STARD13: variants seen among roughly 807,000 people sequenced by gnomAD.
The protein encoded by STARD13 is stAR-related lipid transfer protein 13.
A neutral mutation model predicts 106.4 loss-of-function variants in STARD13; 62 were observed. That is an observed-to-expected ratio of 0.58 (90% confidence interval 0.48 to 0.72). The LOEUF is 0.72. Ranked by LOEUF, STARD13 falls within the 30% of genes least tolerant of loss-of-function variation. STARD13 has a pLI of 0.00. For synonymous variants in STARD13, 565 were observed against 553.0 expected (o/e 1.02, Z -0.31); for missense variants, 1,387 against 1,424.0 (o/e 0.97, Z 0.42).
At chr13:33,121,576 A>AG (rs199674694) in intron 7 of STARD13, among the ~76,000 whole-genome samples, 45,237 of 150,442 alleles carry the variant, frequency 0.3, 8,066 homozygotes, top group Non-Finnish European at 0.41. Flanking sequence ...TCAAAAAAAA[A>AG]AAAAAAAAGT....
chr13:33,488,460 T>C, the STARD13 span, among the ~76,000 whole-genome samples: 1 of 152,228 alleles, frequency 6.6e-6, no homozygotes. Flanking sequence ...ATTACTTCTG[T>C]CTACAACATC....
chr13:33,404,490 T>C, the STARD13 span, among the ~76,000 whole-genome samples: 35 of 152,338 alleles, frequency 2.3e-4, 1 homozygote, highest in South Asian at 7.2e-3. Flanking sequence ...CTGTTTAGAA[T>C]GCATGGCTGG....
At chr13:33,665,021 C>T in the STARD13 span, among the ~76,000 whole-genome samples, 18 of 152,212 alleles carry the variant, frequency 1.2e-4, no homozygotes, top group Non-Finnish European at 2.2e-4. Context: ...GTGTTGCAAA[C>T]GTCACAATGA....
intron 1 of STARD13, among the ~76,000 whole-genome samples, chr13:33,296,338 A>G (rs545024947): frequency 2.0e-5 from 3 of 152,274 alleles, no homozygotes; most frequent in African/African-American, 7.2e-5. Flanking sequence ...TCTATCTCAA[A>G]TCATCTTGCA....
intron 8 of STARD13, among the ~76,000 whole-genome samples, chr13:33,115,851 G>A (rs892011125): frequency 6.6e-6 from 1 of 152,192 alleles, no homozygotes; most frequent in African/African-American, 2.4e-5. Context: ...TATAAGTTGT[G>A]ACAATTATAT....
the STARD13 span, among the ~76,000 whole-genome samples, chr13:33,413,013 G>C: frequency 6.6e-6 from 1 of 152,062 alleles, no homozygotes; most frequent in Non-Finnish European, 1.5e-5. Flanking sequence ...ACCTCATCAT[G>C]GGCTGTAAAA....
chr13:33,176,054 C>T (rs1477384064), intron 1 of STARD13, among the ~76,000 whole-genome samples: 2 of 152,140 alleles, frequency 1.3e-5, no homozygotes, highest in African/African-American at 4.8e-5. Context: ...TCCTTTGCTC[C>T]TTTTGGGGTT....
At chr13:33,193,406 G>T (rs376842305) in intron 1 of STARD13, among the ~76,000 whole-genome samples, 190 of 152,294 alleles carry the variant, frequency 1.2e-3, no homozygotes, top group African/African-American at 4.1e-3. Context: ...TAAGAGGTGA[G>T]AAACAGTAAC....
At chr13:33,538,579 A>C in the STARD13 span, among the ~76,000 whole-genome samples, 35 of 152,290 alleles carry the variant, frequency 2.3e-4, 1 homozygote, top group African/African-American at 8.4e-4. Context: ...TAATAGAAGC[A>C]AAAGTAAATC....
rs148158422 is a variant in STARD13 at position 33,285,507 on chromosome 13, A to G, written c.132T>C (p.Ile44=). 1 of 1,613,906 alleles carries G rather than the reference A, an allele frequency of 6.2e-7. No homozygotes were observed. Among genetic ancestry groups the G allele is most frequent in the Non-Finnish European group, 8.5e-7 (1 of 1,179,900 alleles). ...TAGTCACTAGCTGATGGCGTGCTAG[A>G]ATCCGGCTCATCCTGTAAGGAGAGC... is the stretch of plus-strand genomic sequence containing the variant. The part of the protein sequence containing the change: ...TRRSPYRMSR[I]LARHQLVTKI... Residue 44 remains isoleucine, a synonymous_variant, in exon 1 of 14, where the codon ATT becomes ATC. Transcript: ENST00000336934.
chr13:33,298,522 C>T (rs1892590363), intron 1 of STARD13, among the ~76,000 whole-genome samples: 1 of 151,924 alleles, frequency 6.6e-6, no homozygotes, highest in South Asian at 2.1e-4. Flanking sequence ...AACACCAAAC[C>T]ACGCACCACC....
At chr13:33,606,445 G>A in the STARD13 span, among the ~76,000 whole-genome samples, 7 of 151,924 alleles carry the variant, frequency 4.6e-5, no homozygotes, top group African/African-American at 7.3e-5. Flanking sequence ...TTTCACTATC[G>A]CATTAATTTC....
intron 4 of STARD13, among the ~76,000 whole-genome samples, chr13:33,136,259 G>T (rs1488192817): frequency 6.6e-6 from 1 of 152,182 alleles, no homozygotes; most frequent in Non-Finnish European, 1.5e-5. Flanking sequence ...CAACAAAAAT[G>T]GTATGAGCAC....
the STARD13 span, among the ~76,000 whole-genome samples, chr13:33,590,960 C>T: frequency 5.3e-5 from 8 of 152,216 alleles, no homozygotes; most frequent in Admixed American, 1.3e-4. Context: ...AAAGTCTCCT[C>T]GTACTTGTAT....
At chr13:33,460,489 TAAA>T in the STARD13 span, among the ~76,000 whole-genome samples, 5 of 138,114 alleles carry the variant, frequency 3.6e-5, no homozygotes, top group African/African-American at 8.0e-5. Flanking sequence ...GACTCCATCT[TAAA>T]AAAAAAAAAA....
At chr13:33,439,321 A>G in the STARD13 span, among the ~76,000 whole-genome samples, 12 of 152,370 alleles carry the variant, frequency 7.9e-5, no homozygotes, top group East Asian at 1.2e-3. Flanking sequence ...CCTTATTTTC[A>G]AGAGGCCTTA....
At chr13:33,510,142 G>C in the STARD13 span, among the ~76,000 whole-genome samples, 1 of 152,188 alleles carries the variant, frequency 6.6e-6, no homozygotes, top group African/African-American at 2.4e-5. Flanking sequence ...TGAAGTGGCA[G>C]TGCTAAATTT....
At chr13:33,514,452 C>G in the STARD13 span, among the ~76,000 whole-genome samples, 1 of 152,046 alleles carries the variant, frequency 6.6e-6, no homozygotes, top group Non-Finnish European at 1.5e-5. Context: ...ATCTAGTTAC[C>G]AGTTGCATCT....
chr13:33,387,115 C>T, the STARD13 span, among the ~76,000 whole-genome samples: 4 of 152,112 alleles, frequency 2.6e-5, no homozygotes, highest in Admixed American at 2.6e-4. Context: ...AAGTGATACT[C>T]CCACTTCAGC....
Sources: allele counts gnomAD v4.1 joint callset (sites outside exome capture counted in the v4.1 genomes callset), GRCh38; gene constraint gnomAD v4.1.1; transcripts MANE v1.5; gene names NCBI Gene and HGNC (gene_info 2026-07-23, HGNC 2026-07-21).